EPB41L2: variants seen among roughly 807,000 people sequenced by gnomAD.
The protein encoded by EPB41L2 is erythrocyte membrane protein band 4.1 like 2.
EPB41L2 carries 43 observed loss-of-function variants against 113.0 expected under a neutral mutation model. The observed-to-expected ratio is 0.38, with a 90% CI of 0.30 to 0.49. EPB41L2 has a LOEUF of 0.49. Among genes scored for constraint, EPB41L2 ranks in the 20% least tolerant of loss-of-function variants. The pLI, the probability that EPB41L2 is intolerant of heterozygous loss-of-function variation, is 0.95. For synonymous variants in EPB41L2, 442 were observed against 436.7 expected (o/e 1.01, Z -0.15); for missense variants, 1,147 against 1,223.4 (o/e 0.94, Z 0.93).
chr6:130,880,322 A>G, intron 12 of EPB41L2, 116 bp from the exon 13 acceptor site: 4 of 693,056 alleles, frequency 5.8e-6, no homozygotes. Flanking sequence ...TAAAAGAGGA[A>G]TACAAATCTT....
In EPB41L2 at chr6:130,890,402, T is replaced by C. The variant is rs763945844; in HGVS notation, c.1552A>G (p.Ser518Gly). ...CGGGTCTGTGCTTGGGTGCGGCCACTATAGCGAAATTTGGACCCCAAGGTC... is the reference window on the plus strand; with the variant it reads ...CGGGTCTGTGCTTGGGTGCGGCCACCATAGCGAAATTTGGACCCCAAGGTC... ...FLTLGSKFRY[S>G]GRTQAQTRQA... Residue 518 changes from serine to glycine, a missense_variant, in exon 11 of 20, where the codon AGT becomes GGT. Physicochemically the swap from Ser to Gly is moderately conservative, Grantham distance 56 (BLOSUM62 0). Coordinates refer to ENST00000337057, the MANE Select transcript of EPB41L2 (RefSeq NM_001431.4). 3.0e-5 allele frequency: 49 copies of C among 1,612,046 alleles called. No homozygotes were observed. The highest frequency in any genetic ancestry group is 2.5e-6 in the Non-Finnish European group (3 of 1,179,752).
intron 3 of EPB41L2, among the ~76,000 whole-genome samples, 190 bp downstream of exon 3, chr6:130,954,915 T>C (rs1160621449): frequency 6.6e-6 from 1 of 152,212 alleles, no homozygotes. Flanking sequence ...ACTGGCAGAA[T>C]AGCATCCCTG....
At chr6:130,861,032 C>A (rs1332258566) in intron 18 of EPB41L2, among the ~76,000 whole-genome samples, 1 of 151,716 alleles carries the variant, frequency 6.6e-6, no homozygotes. Flanking sequence ...TCTGTCTGGC[C>A]CAGTGAAAGT....
intron 1 of EPB41L2, among the ~76,000 whole-genome samples, chr6:131,019,711 C>T (rs2128736789): frequency 6.6e-6 from 1 of 152,076 alleles, no homozygotes; most frequent in East Asian, 1.9e-4. Context: ...TATATTATTT[C>T]TTCATTTCTA....
intron 1 of EPB41L2, among the ~76,000 whole-genome samples, chr6:131,035,697 T>C (rs1203044091): frequency 2.0e-5 from 3 of 152,200 alleles, no homozygotes; most frequent in East Asian, 1.9e-4. Flanking sequence ...AATGTAAACT[T>C]TGACCCTTTA....
At chr6:130,927,528 A>C (rs912804248) in intron 3 of EPB41L2, among the ~76,000 whole-genome samples, 2 of 152,148 alleles carry the variant, frequency 1.3e-5, no homozygotes, top group Admixed American at 1.3e-4. Context: ...CCCCAGGTGC[A>C]CTGATAAAAG....
At chr6:130,905,422 C>CT (rs11389706) in intron 5 of EPB41L2, among the ~76,000 whole-genome samples, 28,681 of 144,324 alleles carry the variant, frequency 0.2, 3,436 homozygotes, top group African/African-American at 0.33. Flanking sequence ...TATGTTATTC[C>CT]TTTTTTTTTT....
At chr6:131,060,473 A>G (rs1798442214) in intron 1 of EPB41L2, among the ~76,000 whole-genome samples, 1 of 152,254 alleles carries the variant, frequency 6.6e-6, no homozygotes, top group Non-Finnish European at 1.5e-5. Flanking sequence ...ACACGTGGAC[A>G]TGGTTCTGAT....
chr6:131,008,336 C>G (rs1266435045), intron 1 of EPB41L2, among the ~76,000 whole-genome samples: 1 of 152,236 alleles, frequency 6.6e-6, no homozygotes, highest in Non-Finnish European at 1.5e-5. Context: ...TGCGGGCGCG[C>G]AGAAGTTAAA....
chr6:130,896,553 T>C (rs1794722079), intron 8 of EPB41L2, among the ~76,000 whole-genome samples: 1 of 152,192 alleles, frequency 6.6e-6, no homozygotes, highest in Non-Finnish European at 1.5e-5. Flanking sequence ...GAAGCAATCT[T>C]TGGACAGGAC....
At chr6:131,002,222 AGAG>A (rs1784504705) in intron 1 of EPB41L2, among the ~76,000 whole-genome samples, 1 of 152,180 alleles carries the variant, frequency 6.6e-6, no homozygotes, top group South Asian at 2.1e-4. Flanking sequence ...AAACTCACAC[AGAG>A]AAGAGACCTT....
intron 15 of EPB41L2, chr6:130,867,970 ACACTCTCTCT>A (rs201387289): frequency 0.089 from 9,056 of 102,138 alleles, 286 homozygotes; most frequent in East Asian, 0.22. Context: ...ACACACACAC[ACACTCTCTCT>A]CTCTCTCTCT....
intron 1 of EPB41L2, among the ~76,000 whole-genome samples, chr6:131,022,697 C>T (rs1325046113): frequency 6.6e-6 from 1 of 152,182 alleles, no homozygotes; most frequent in African/African-American, 2.4e-5. Context: ...GTAAACTGTG[C>T]TCGCTGCTAT....
In EPB41L2 at chr6:130,883,404, T is replaced by C. The variant is rs1158095717; in HGVS notation, c.1833+1692A>G. On this transcript the variant is annotated intron_variant, in intron 12 of 19. Coordinates refer to ENST00000337057, the MANE Select transcript of EPB41L2 (RefSeq NM_001431.4). Reference sequence around the variant, plus strand: ...ACATAAAATTTATACATATGACTCATTTAATTATTTTCAAACTAGTTGCAA... The same window carrying C: ...ACATAAAATTTATACATATGACTCACTTAATTATTTTCAAACTAGTTGCAA... Among the ~76,000 whole-genome samples the C allele has an allele frequency of 2.0e-5, 3 of 152,206 alleles. No individual in the cohort carries two copies. In the East Asian group the frequency reaches 5.8e-4, roughly 29 times the overall value.
chr6:130,988,315 C>A (rs1251067486), intron 1 of EPB41L2, among the ~76,000 whole-genome samples: 1 of 152,132 alleles, frequency 6.6e-6, no homozygotes, highest in Admixed American at 6.5e-5. Context: ...AACTTTCAGG[C>A]ATACTGAGTT....
intron 3 of EPB41L2, among the ~76,000 whole-genome samples, chr6:130,930,781 A>T (rs1423488832): frequency 6.6e-6 from 1 of 152,006 alleles, no homozygotes; most frequent in Non-Finnish European, 1.5e-5. Flanking sequence ...ATCTTCAGAG[A>T]CTGCACATAG....
intron 1 of EPB41L2, among the ~76,000 whole-genome samples, chr6:131,047,553 G>A (rs1360597508): frequency 2.6e-5 from 4 of 152,094 alleles, no homozygotes; most frequent in Non-Finnish European, 1.5e-5. Context: ...CTGTTATTTA[G>A]GAAAAGCACT....
At chr6:130,877,216 T>C (rs1787846980) in intron 14 of EPB41L2, among the ~76,000 whole-genome samples, 1 of 152,218 alleles carries the variant, frequency 6.6e-6, no homozygotes, top group Non-Finnish European at 1.5e-5. Flanking sequence ...CTAGAATATC[T>C]AAATCAATGT....
chr6:130,985,675 G>T (rs1413177614), intron 1 of EPB41L2, among the ~76,000 whole-genome samples: 1 of 152,178 alleles, frequency 6.6e-6, no homozygotes, highest in African/African-American at 2.4e-5. Flanking sequence ...ACTGTCACTG[G>T]ATCAGAATTA....
Sources: allele counts gnomAD v4.1 joint callset (sites outside exome capture counted in the v4.1 genomes callset), GRCh38; gene constraint gnomAD v4.1.1; transcripts MANE v1.5; gene names NCBI Gene and HGNC (gene_info 2026-07-23, HGNC 2026-07-21).